FAM111B: variants seen among roughly 807,000 people sequenced by gnomAD.
The protein encoded by FAM111B is FAM111 trypsin like peptidase B.
FAM111B carries 1 observed loss-of-function variant against 2.8 expected under a neutral mutation model. The ratio of observed to expected loss-of-function variants is 0.36; its 90% CI spans 0.13 to 1.70. FAM111B has a LOEUF of 1.70. FAM111B is among the 40% of genes most tolerant of loss of function. FAM111B has a pLI of 0.35. For missense variants in FAM111B, 882 were observed against 878.9 expected (o/e 1.00, Z -0.04); for synonymous variants, 297 against 295.6 (o/e 1.00, Z -0.05).
chr11:59,126,526 C>T lies in FAM111B; in HGVS notation c.*224C>T, dbSNP rs1256163054. Reference sequence around the variant, plus strand: ...CAGCAAAGATCTAATATTCAGAATCCATTAGGAACTTAAACAGATTAACAA... The same window carrying T: ...CAGCAAAGATCTAATATTCAGAATCTATTAGGAACTTAAACAGATTAACAA... On this transcript the variant is annotated 3_prime_UTR_variant, in exon 4 of 4. Coordinates refer to ENST00000343597, the MANE Select transcript of FAM111B (RefSeq NM_198947.4). The T allele has an allele frequency of 5.3e-6, 2 of 375,190 alleles. No individual in the cohort carries two copies. The highest frequency in any genetic ancestry group is 2.1e-5 in the African/African-American group (1 of 47,664). The allele number at this position is 375,190 out of a possible 1,614,324, so 23.2% of individuals were successfully genotyped here.
rs577169067 is a variant in FAM111B at position 59,108,638 on chromosome 11, C to T, written c.-131-30C>T. ...AAACCATTGTTTCATATGTTTTGCT[C>T]TTTTTTGTTTTGTTTTGTTTTCATA... is the stretch of plus-strand genomic sequence containing the variant. On this transcript the variant is annotated intron_variant, in intron 1 of 3. Transcript: ENST00000343597. 2.6e-5 allele frequency: 4 copies of T among 152,728 alleles called. No homozygotes were observed. The East Asian group carries it at 7.7e-4, about 29-fold the overall frequency. The allele number at this position is 152,728 out of a possible 1,614,324, so 9.5% of individuals were successfully genotyped here. A position where few individuals can be genotyped will look rare whatever the true frequency, so the allele number is the denominator to read the frequency against.
chr11:59,112,223 A>G (rs1859769162), intron 3 of FAM111B, among the ~76,000 whole-genome samples: 1 of 152,214 alleles, frequency 6.6e-6, no homozygotes, highest in Admixed American at 6.5e-5. Flanking sequence ...TCTAGTGTTA[A>G]CTTTTCCAGA....
Position 59,125,113 on chromosome 11 carries a change from G to T in FAM111B, c.1016G>T (p.Arg339Leu), listed in dbSNP as rs193034301. Reference protein sequence around the residue: ...DLSHYIKDKTRQTIPRIRNYY... With the variant: ...DLSHYIKDKTLQTIPRIRNYY... ...AGCCATTATATTAAAGATAAAACTC[G>T]CCAGACAATTCCCAGGATTAGAAAT... The change falls in exon 4 of 4, where the codon CGC becomes CTC. Residue 339 changes from arginine (R) to leucine (L), a missense_variant. Physicochemically the swap from Arg to Leu is moderately radical, Grantham distance 102. Coordinates refer to ENST00000343597, the MANE Select transcript of FAM111B (RefSeq NM_198947.4). 1.6e-5 allele frequency: 26 copies of T among 1,613,722 alleles called. No individual in the cohort carries two copies. Among genetic ancestry groups the T allele is most frequent in the Admixed American group, 3.3e-5 (2 of 59,974 alleles).
intron 3 of FAM111B, 178 bp downstream of exon 3, chr11:59,109,884 TAAC>T (rs1280697902): frequency 1.0e-5 from 4 of 396,774 alleles, no homozygotes; most frequent in African/African-American, 8.2e-5. Flanking sequence ...ATGATAGAGT[TAAC>T]AATGCTAAAC....
chr11:59,109,684 G>A lies in FAM111B; in HGVS notation c.59G>A (p.Arg20Lys). 6.2e-7 allele frequency: 1 copy of A among 1,611,694 alleles called. No homozygotes were observed. Reference sequence around the variant, plus strand: ...TTTAGCGCTATGGAAGATGACCAGAGGACTAGACCTGAAGTTTCAAAGGTA... The same window carrying A: ...TTTAGCGCTATGGAAGATGACCAGAAGACTAGACCTGAAGTTTCAAAGGTA... ...KSFSAMEDDQ[R>K]TRPEVSKDTV... is the part of the protein sequence containing the mutation. The change falls in exon 3 of 4, where the codon AGG becomes AAG. Residue 20 changes from arginine (R) to lysine (K), a missense_variant. Coordinates refer to ENST00000343597, the MANE Select transcript of FAM111B (RefSeq NM_198947.4).
Position 59,109,553 on chromosome 11 carries a change from C to G in FAM111B, c.-73C>G. On this transcript the variant is annotated 5_prime_UTR_variant, in exon 3 of 4. Coordinates refer to ENST00000343597, the MANE Select transcript of FAM111B (RefSeq NM_198947.4). ...TGGTTTTTTTAGACATTTCAGGTGGCAGAATAAATTCAATCCTTGTTTCTC... is the reference window on the plus strand; with the variant it reads ...TGGTTTTTTTAGACATTTCAGGTGGGAGAATAAATTCAATCCTTGTTTCTC... The G allele has an allele frequency of 9.3e-7, 1 of 1,072,650 alleles. No individual in the cohort carries two copies. The highest frequency in any genetic ancestry group is 1.3e-6 in the Non-Finnish European group (1 of 745,170). The allele number at this position is 1,072,650 out of a possible 1,614,324, so 66.4% of individuals were successfully genotyped here.
chr11:59,112,127 G>T (rs1222392762), intron 3 of FAM111B, among the ~76,000 whole-genome samples: 1 of 152,096 alleles, frequency 6.6e-6, no homozygotes, highest in Non-Finnish European at 1.5e-5. Flanking sequence ...TTTCTTGTGT[G>T]GTTCCATCAC....
rs963893561 is a variant in FAM111B, at chr11:59,126,508, G to T, written c.*206G>T. 2 of 418,160 alleles carry T rather than the reference G, an allele frequency of 4.8e-6. No individual in the cohort carries two copies. The highest frequency in any genetic ancestry group is 4.1e-5 in the Admixed American group (1 of 24,412). The allele number at this position is 418,160 out of a possible 1,614,324, so 25.9% of individuals were successfully genotyped here. ...ATTTGCAAACTATGCATACAGCAAA[G>T]ATCTAATATTCAGAATCCATTAGGA... is the stretch of plus-strand genomic sequence containing the variant. On this transcript the variant is annotated 3_prime_UTR_variant, in exon 4 of 4. Transcript: ENST00000343597.
chr11:59,121,825 AT>A (rs1471086091), intron 3 of FAM111B, among the ~76,000 whole-genome samples: 1 of 152,232 alleles, frequency 6.6e-6, no homozygotes, highest in Non-Finnish European at 1.5e-5. Context: ...TGGATACAGA[AT>A]TTCATCAACT....
Position 59,125,167 on chromosome 11 carries a change from A to C in FAM111B, c.1070A>C (p.Tyr357Ser), listed in dbSNP as rs1474499616. Residue 357 changes from tyrosine to serine, a missense_variant, in exon 4 of 4, where the codon TAT becomes TCT. By Grantham distance (144) the Tyr-to-Ser change is moderately radical. Coordinates refer to ENST00000343597, the MANE Select transcript of FAM111B (RefSeq NM_198947.4). ...TACTTTTGTAGTTTGCCCCGAAAAT[A>C]TAGGCAAATAAACTCACAAGTTAGA... ...NYYFCSLPRK[Y>S]RQINSQVRRR... The C allele has an allele frequency of 6.2e-7, 1 of 1,613,862 alleles. No homozygotes were observed. The highest frequency in any genetic ancestry group is 8.5e-7 in the Non-Finnish European group (1 of 1,179,876).
rs375730937 is a variant in FAM111B, at chr11:59,125,470, G to A, written c.1373G>A (p.Ser458Asn). The A allele has an allele frequency of 4.3e-6, 7 of 1,613,934 alleles. No individual in the cohort carries two copies. Among genetic ancestry groups the A allele is most frequent in the Non-Finnish European group, 5.9e-6 (7 of 1,179,840 alleles). ...ACCTGCGAACAGCTTACATATTATA[G>A]CAAGTCAGTTGGGTTCATGCAATGG... ...VATCEQLTYY[S>N]KSVGFMQWDN... Residue 458 changes from serine (S) to asparagine (N), a missense_variant, in exon 4 of 4, where the codon AGC becomes AAC. Coordinates refer to ENST00000343597, the MANE Select transcript of FAM111B (RefSeq NM_198947.4).
rs1451407387 is a variant in FAM111B at position 59,127,169 on chromosome 11, G to A, written c.*867G>A. ...CCAAGTACCACATGTTCTCTCATAA[G>A]TGGAAGCTAAATATTGAGTACACAT... On this transcript the variant is annotated 3_prime_UTR_variant, in exon 4 of 4. Transcript: ENST00000343597. 6.6e-6 allele frequency: 1 copy of A among 152,088 alleles called. No individual in the cohort carries two copies. Among genetic ancestry groups the A allele is most frequent in the African/African-American group, 2.4e-5 (1 of 41,424 alleles). The allele number at this position is 152,088 out of a possible 1,614,324, so 9.4% of individuals were successfully genotyped here. A position where few individuals can be genotyped will look rare whatever the true frequency, so the allele number is the denominator to read the frequency against.
intron 3 of FAM111B, among the ~76,000 whole-genome samples, chr11:59,110,592 G>T (rs1365520482): frequency 6.6e-6 from 1 of 152,128 alleles, no homozygotes; most frequent in Non-Finnish European, 1.5e-5. Flanking sequence ...ACTTTGGGAG[G>T]TGATAGATAG....
In FAM111B at chr11:59,124,635, A is replaced by G; in HGVS notation, c.538A>G (p.Asn180Asp). 3 of 1,613,950 alleles carry G rather than the reference A, an allele frequency of 1.9e-6. No individual in the cohort carries two copies. The highest frequency in any genetic ancestry group is 2.5e-6 in the Non-Finnish European group (3 of 1,179,862). ...GHILRQCENP[N>D]MECILFHVVA... ...CATATTACGCCAATGTGAAAATCCA[A>G]ACATGGAATGCATTCTTTTTCATGT... is the stretch of plus-strand genomic sequence containing the variant. Residue 180 changes from asparagine to aspartate, a missense_variant, in exon 4 of 4, where the codon AAC (asparagine) becomes GAC (aspartate). Coordinates refer to ENST00000343597, the MANE Select transcript of FAM111B (RefSeq NM_198947.4).
intron 3 of FAM111B, among the ~76,000 whole-genome samples, chr11:59,113,299 A>G (rs538817604): frequency 6.6e-6 from 1 of 152,280 alleles, no homozygotes; most frequent in East Asian, 1.9e-4. Flanking sequence ...TTCTCCATTT[A>G]TTTTGGTCTT....
intron 2 of FAM111B, 125 bp from the exon 3 acceptor site, chr11:59,109,415 A>G (rs1859721398): frequency 2.5e-6 from 1 of 392,740 alleles, no homozygotes; most frequent in Non-Finnish European, 4.6e-6. Flanking sequence ...ACAGTAAGCT[A>G]AATAGCCATA....
chr11:59,122,890 A>G (rs1186496041), intron 3 of FAM111B, among the ~76,000 whole-genome samples: 1 of 152,102 alleles, frequency 6.6e-6, no homozygotes, highest in Non-Finnish European at 1.5e-5. Flanking sequence ...GCCGAGCTGT[A>G]CCTCCTGATT....
At position 59,126,333 on chromosome 11, in the gene FAM111B, C is replaced by T. The variant is rs1296378597; in HGVS notation, c.*31C>T. The T allele has an allele frequency of 8.2e-6, 12 of 1,458,138 alleles. No individual in the cohort carries two copies. Among genetic ancestry groups the T allele is most frequent in the Non-Finnish European group, 1.1e-5 (12 of 1,096,330 alleles). 90.3% of individuals were successfully genotyped at this position (1,458,138 alleles called of 1,614,324 possible). ...AGATGCTGTCTTCAAGAAAATATGC[C>T]AATAATTCCTGGCAAAGATTTCATG... On this transcript the variant is annotated 3_prime_UTR_variant, in exon 4 of 4. Transcript: ENST00000343597.
At chr11:59,113,213 G>A (rs200115878) in intron 3 of FAM111B, among the ~76,000 whole-genome samples, 2 of 120,496 alleles carry the variant, frequency 1.7e-5, no homozygotes, top group African/African-American at 6.7e-5. Context: ...ATTGTGTGTT[G>A]TGTAAAAAAA....
Sources: allele counts gnomAD v4.1 joint callset (sites outside exome capture counted in the v4.1 genomes callset), GRCh38; gene constraint gnomAD v4.1.1; transcripts MANE v1.5; gene names NCBI Gene and HGNC (gene_info 2026-07-23, HGNC 2026-07-21).